Variants in EDA observed in about 807,000 individuals in gnomAD.
The protein encoded by EDA is ectodysplasin-A.
EDA carries 2 observed loss-of-function variants against 23.6 expected under a neutral mutation model. The observed-to-expected ratio is 0.08, with a 90% CI of 0.03 to 0.27. EDA has a LOEUF of 0.27. Among genes scored for constraint, EDA ranks in the 10% least tolerant of loss-of-function variants. The pLI is 1.00. For missense variants in EDA, 229 were observed against 324.2 expected (o/e 0.71, Z 2.26); for synonymous variants, 131 against 132.0 (o/e 0.99, Z 0.05).
chrX:69,822,687 AT>A (rs1307309997), intron 1 of EDA, among the ~76,000 whole-genome samples: 1 of 111,224 alleles, frequency 9.0e-6, no homozygotes, highest in Non-Finnish European at 1.9e-5. Flanking sequence ...ATGTTATTCT[AT>A]TTTTTTAATT....
intron 1 of EDA, chrX:69,937,837 G>T: frequency 8.4e-7 from 1 of 1,195,380 alleles, no homozygotes. Flanking sequence ...AGTTGGTATT[G>T]ATAGTCAGCA....
At chrX:69,677,290 C>T (rs1181413757) in intron 1 of EDA, among the ~76,000 whole-genome samples, 3 of 108,055 alleles carry the variant, frequency 2.8e-5, no homozygotes, top group East Asian at 5.9e-4. Flanking sequence ...AATAAACATA[C>T]GTGTGCATGT....
At chrX:69,809,889 T>C (rs1184151232) in intron 1 of EDA, among the ~76,000 whole-genome samples, 1 of 110,985 alleles carries the variant, frequency 9.0e-6, no homozygotes, top group African/African-American at 3.3e-5. Flanking sequence ...CATAGATTGT[T>C]TTAGTAAATG....
chrX:69,786,839 G>T (rs890127907), intron 1 of EDA, among the ~76,000 whole-genome samples: 6 of 109,740 alleles, frequency 5.5e-5, no homozygotes, highest in African/African-American at 2.0e-4. Context: ...CAATTCCTCG[G>T]TATCCTTGTT....
intron 1 of EDA, among the ~76,000 whole-genome samples, chrX:69,723,205 C>T (rs912086107): frequency 8.9e-6 from 1 of 111,815 alleles, no homozygotes; most frequent in Non-Finnish European, 1.9e-5. Context: ...GAGTAGTAAA[C>T]GCAAATATTT....
intron 1 of EDA, among the ~76,000 whole-genome samples, chrX:69,630,039 G>A (rs1602233586): frequency 9.0e-6 from 1 of 111,043 alleles, no homozygotes; most frequent in East Asian, 2.8e-4. Context: ...TGTAAATGTG[G>A]GAAAGCCCTT....
intron 1 of EDA, among the ~76,000 whole-genome samples, chrX:69,885,983 A>C (rs754876262): frequency 1.8e-5 from 2 of 112,150 alleles, no homozygotes; most frequent in Non-Finnish European, 3.8e-5. Flanking sequence ...AATCCTGCTC[A>C]CATAAGGATC....
chrX:69,827,553 A>G (rs1266167463), intron 1 of EDA, among the ~76,000 whole-genome samples: 18 of 110,379 alleles, frequency 1.6e-4, no homozygotes, highest in South Asian at 3.8e-4. Context: ...AGCTCCATCA[A>G]CTCCTTTAAG....
chrX:69,683,571 A>C (rs1245294126), intron 1 of EDA, among the ~76,000 whole-genome samples: 1 of 111,345 alleles, frequency 9.0e-6, no homozygotes, highest in Non-Finnish European at 1.9e-5. Flanking sequence ...GTTTTCTTAC[A>C]TCTATTACAT....
intron 1 of EDA, among the ~76,000 whole-genome samples, chrX:69,852,475 C>T (rs1307183343): frequency 8.9e-6 from 1 of 111,828 alleles, no homozygotes; most frequent in Non-Finnish European, 1.9e-5. Flanking sequence ...AATAATCAGA[C>T]ATCACAAATA....
At chrX:69,687,244 C>T (rs1934575655) in intron 1 of EDA, among the ~76,000 whole-genome samples, 1 of 109,013 alleles carries the variant, frequency 9.2e-6, no homozygotes, top group Non-Finnish European at 1.9e-5. Context: ...AGATCCTTTG[C>T]CCATTTTTCA....
intron 1 of EDA, among the ~76,000 whole-genome samples, chrX:69,816,683 G>A (rs765621647): frequency 1.7e-4 from 19 of 111,215 alleles, no homozygotes; most frequent in Admixed American, 3.8e-4. Context: ...CAAACCATCC[G>A]AGAAATATGG....
At chrX:69,676,264 T>A (rs754800247) in intron 1 of EDA, among the ~76,000 whole-genome samples, 1 of 111,650 alleles carries the variant, frequency 9.0e-6, no homozygotes, top group East Asian at 2.8e-4. Flanking sequence ...GGGTTGAGAC[T>A]AGACTGTAGC....
chrX:69,826,777 G>A (rs1415639438), intron 1 of EDA, among the ~76,000 whole-genome samples: 1 of 109,826 alleles, frequency 9.1e-6, no homozygotes, highest in East Asian at 2.8e-4. Flanking sequence ...GTTAGTTGAT[G>A]CAGTTTCTTC....
intron 1 of EDA, among the ~76,000 whole-genome samples, chrX:69,759,967 AAAC>A (rs1372212922): frequency 9.1e-6 from 1 of 109,582 alleles, no homozygotes; most frequent in Non-Finnish European, 1.9e-5. Context: ...AGAGAGGGGC[AAAC>A]AACATACCTT....
chrX:69,893,454 G>A (rs1295664940), intron 1 of EDA, among the ~76,000 whole-genome samples: 1 of 111,795 alleles, frequency 8.9e-6, no homozygotes, highest in Non-Finnish European at 1.9e-5. Flanking sequence ...CTGAATCCAA[G>A]ACAGGTTTAG....
At chrX:69,876,810 G>A (rs2017652885) in intron 1 of EDA, among the ~76,000 whole-genome samples, 1 of 112,430 alleles carries the variant, frequency 8.9e-6, no homozygotes, top group Non-Finnish European at 1.9e-5. Flanking sequence ...ACATTTTATG[G>A]ACATGATATA....
intron 1 of EDA, among the ~76,000 whole-genome samples, chrX:69,659,319 A>G (rs1328857062): frequency 8.9e-6 from 1 of 112,348 alleles, no homozygotes; most frequent in Non-Finnish European, 1.9e-5. Context: ...TTTGTTAACA[A>G]TGAGCTACAT....
At chrX:69,926,676 C>T (rs1365598577) in intron 1 of EDA, among the ~76,000 whole-genome samples, 2 of 111,891 alleles carry the variant, frequency 1.8e-5, no homozygotes, top group Non-Finnish European at 3.8e-5. Context: ...ATTAGGTCCA[C>T]TTGTTCCAGA....
Sources: allele counts gnomAD v4.1 joint callset (sites outside exome capture counted in the v4.1 genomes callset), GRCh38; gene constraint gnomAD v4.1.1; transcripts MANE v1.5; gene names NCBI Gene and HGNC (gene_info 2026-07-23, HGNC 2026-07-21).